Variants in RASAL2 observed in about 807,000 individuals in gnomAD.
RASAL2 encodes RAS protein activator like 2.
A neutral mutation model predicts 128.9 loss-of-function variants in RASAL2; 58 were observed. The observed-to-expected ratio is 0.45, with a 90% confidence interval of 0.36 to 0.56. The LOEUF (loss-of-function observed/expected upper bound fraction) is 0.56, where lower values mean the gene tolerates loss of function less well. RASAL2 is among the 20% of genes least tolerant of loss of function. The pLI is 0.00. For synonymous variants in RASAL2, 561 were observed against 580.8 expected (o/e 0.97, Z 0.49); for missense variants, 1,360 against 1,601.6 (o/e 0.85, Z 2.57).
intron 1 of RASAL2, among the ~76,000 whole-genome samples, chr1:178,271,934 G>A (rs1666278762): frequency 1.3e-5 from 2 of 152,042 alleles, no homozygotes; most frequent in Admixed American, 1.3e-4. Context: ...CTTCCTCAAG[G>A]GCTTTTACAT....
At chr1:178,354,951 C>G (rs1036313889) in intron 3 of RASAL2, among the ~76,000 whole-genome samples, 65 of 152,264 alleles carry the variant, frequency 4.3e-4, no homozygotes, top group African/African-American at 1.4e-3. Context: ...ATGATAAGCC[C>G]CATCTCTACA....
chr1:178,435,028 C>T (rs1314503195), intron 5 of RASAL2, among the ~76,000 whole-genome samples: 8 of 151,852 alleles, frequency 5.3e-5, no homozygotes, highest in Admixed American at 5.3e-4. Context: ...AAAGTGAGTG[C>T]CTTAGAAATG....
intron 1 of RASAL2, among the ~76,000 whole-genome samples, chr1:178,206,629 T>C (rs1408162904): frequency 6.6e-6 from 1 of 152,220 alleles, no homozygotes; most frequent in Non-Finnish European, 1.5e-5. Context: ...TTTTCCATCC[T>C]AGTCACTACT....
Position 178,103,603 on chromosome 1 carries a change from G to A in RASAL2, c.202+8909G>A, listed in dbSNP as rs1405509373. Among the ~76,000 whole-genome samples the A allele has an allele frequency of 3.3e-5, 5 of 152,012 alleles. No individual in the cohort carries two copies. The East Asian group carries it at 9.6e-4, about 29-fold the overall frequency. On this transcript the variant is annotated intron_variant, in intron 1 of 17. Transcript: ENST00000367649. ...TTTTTTAATATCTTTTACATTAAGT[G>A]TGATTGAACATCTTTTCATTTTTAA...
intron 3 of RASAL2, among the ~76,000 whole-genome samples, chr1:178,333,229 G>A (rs561219294): frequency 6.6e-6 from 1 of 151,098 alleles, no homozygotes; most frequent in Non-Finnish European, 1.5e-5. Flanking sequence ...GGGGTTTCAC[G>A]TGTTAGCCAG....
At chr1:178,304,261 C>CACCT (rs1229025492) in intron 3 of RASAL2, among the ~76,000 whole-genome samples, 1 of 152,094 alleles carries the variant, frequency 6.6e-6, no homozygotes, top group East Asian at 1.9e-4. Flanking sequence ...TGATGGCTCA[C>CACCT]ACCTATAATC....
intron 1 of RASAL2, among the ~76,000 whole-genome samples, chr1:178,162,571 A>AAT (rs200934374): frequency 1.1e-3 from 145 of 126,698 alleles, no homozygotes; most frequent in African/African-American, 4.1e-3. Flanking sequence ...CTTTATATAA[A>AAT]ATATATATAA....
chr1:178,339,695 T>C (rs1031154527), intron 3 of RASAL2, among the ~76,000 whole-genome samples: 2 of 152,208 alleles, frequency 1.3e-5, no homozygotes, highest in Admixed American at 1.3e-4. Context: ...GTTATAATTA[T>C]TTGGTTTCAC....
At position 178,473,421 on chromosome 1, in the gene RASAL2, A is replaced by T. The variant is rs756025640; in HGVS notation, c.*182A>T. 1 of 689,822 alleles carries T rather than the reference A, an allele frequency of 1.4e-6. No homozygotes were observed. The highest frequency in any genetic ancestry group is 2.7e-5 in the East Asian group (1 of 36,550). 42.7% of individuals were successfully genotyped at this position (689,822 alleles called of 1,614,324 possible). A position where few individuals can be genotyped will look rare whatever the true frequency, so the allele number is the denominator to read the frequency against. ...CATAAGGCGGCGACTTCCAAGGTCAATGCTTTTCCCCCACATCTCTATGTA... is the reference window on the plus strand; with the variant it reads ...CATAAGGCGGCGACTTCCAAGGTCATTGCTTTTCCCCCACATCTCTATGTA... On this transcript the variant is annotated 3_prime_UTR_variant, in exon 18 of 18. Transcript: ENST00000367649.
intron 4 of RASAL2, among the ~76,000 whole-genome samples, chr1:178,418,565 A>G (rs909918183): frequency 6.6e-5 from 10 of 152,222 alleles, no homozygotes; most frequent in Non-Finnish European, 1.0e-4. Flanking sequence ...ATATAGCATT[A>G]TAAGTATTTT....
intron 3 of RASAL2, among the ~76,000 whole-genome samples, chr1:178,353,847 T>A (rs965120722): frequency 2.6e-5 from 4 of 152,136 alleles, no homozygotes; most frequent in Non-Finnish European, 4.4e-5. Flanking sequence ...CTCATGCCTG[T>A]AGTCCCAGCT....
At chr1:178,129,781 A>G (rs536309313) in intron 1 of RASAL2, among the ~76,000 whole-genome samples, 1 of 152,166 alleles carries the variant, frequency 6.6e-6, no homozygotes, top group African/African-American at 2.4e-5. Context: ...CCATAAGATT[A>G]TTTTTTAGCC....
chr1:178,366,537 A>G (rs934888421), intron 3 of RASAL2, among the ~76,000 whole-genome samples: 11 of 151,394 alleles, frequency 7.3e-5, no homozygotes, highest in African/African-American at 2.4e-4. Context: ...AAATTAGAAG[A>G]TAACGCTCAT....
chr1:178,407,645 T>G (rs1674079476), intron 4 of RASAL2, among the ~76,000 whole-genome samples: 1 of 152,180 alleles, frequency 6.6e-6, no homozygotes, highest in South Asian at 2.1e-4. Flanking sequence ...TTAGAATTGC[T>G]GTAACATTGT....
intron 1 of RASAL2, among the ~76,000 whole-genome samples, chr1:178,110,282 T>G (rs1451274963): frequency 2.0e-5 from 3 of 151,998 alleles, no homozygotes; most frequent in African/African-American, 7.2e-5. Flanking sequence ...TGGACATTAA[T>G]CCCTCATTAT....
Position 178,331,283 on chromosome 1 carries a change from C to T in RASAL2, c.457+31165C>T, listed in dbSNP as rs114910102. Among the ~76,000 whole-genome samples, 463 of 152,252 alleles carry T rather than the reference C, an allele frequency of 3.0e-3. 2 individuals carry two copies. The highest frequency in any genetic ancestry group is 0.011 in the African/African-American group (443 of 41,520). ...CCTCCTAGGCTCAAGCAAATCCACCCGCCTCAGCCTCCTGAGTAGCTGGGA... is the reference window on the plus strand; with the variant it reads ...CCTCCTAGGCTCAAGCAAATCCACCTGCCTCAGCCTCCTGAGTAGCTGGGA... On this transcript the variant is annotated intron_variant, in intron 3 of 17. Coordinates refer to ENST00000367649, the MANE Select transcript of RASAL2 (RefSeq NM_170692.4).
intron 1 of RASAL2, among the ~76,000 whole-genome samples, chr1:178,132,577 A>G (rs952875821): frequency 7.9e-5 from 12 of 152,158 alleles, no homozygotes; most frequent in African/African-American, 2.9e-4. Flanking sequence ...TTGGTGCAAA[A>G]GTAATGGTGG....
chr1:178,407,766 T>A (rs760841751), intron 4 of RASAL2, among the ~76,000 whole-genome samples: 10 of 152,210 alleles, frequency 6.6e-5, no homozygotes, highest in Admixed American at 6.5e-5. Context: ...CATGTTTCCC[T>A]GTCTCCGCTT....
chr1:178,378,520 A>AT (rs1672114673), intron 3 of RASAL2, among the ~76,000 whole-genome samples: 1 of 152,164 alleles, frequency 6.6e-6, no homozygotes, highest in Non-Finnish European at 1.5e-5. Context: ...CAGAATCTTT[A>AT]TAAAAACTGG....
Sources: allele counts gnomAD v4.1 joint callset (sites outside exome capture counted in the v4.1 genomes callset), GRCh38; gene constraint gnomAD v4.1.1; transcripts MANE v1.5; gene names NCBI Gene and HGNC (gene_info 2026-07-23, HGNC 2026-07-21).